Variants in CHSY1 observed in about 807,000 individuals in gnomAD.
CHSY1 encodes the protein chondroitin sulfate synthase 1.
Under a neutral mutation model 59.8 loss-of-function variants are expected in CHSY1, and 13 were observed. The ratio of observed to expected loss-of-function variants is 0.22; its 90% confidence interval spans 0.14 to 0.35. The LOEUF is 0.35. CHSY1 is among the 10% of genes least tolerant of loss of function. The probability of loss-of-function intolerance (pLI) is 1.00; values close to 1 mark genes in which losing one functional copy is unlikely to be tolerated. For synonymous variants in CHSY1, 459 were observed against 401.2 expected, an observed-to-expected ratio of 1.14 and a Z score of -1.72; for missense variants, 947 against 1,030.6, an observed-to-expected ratio of 0.92 and a Z score of 1.11.
intron 2 of CHSY1, chr15:101,188,237 G>GA: frequency 1.0e-6 from 1 of 968,422 alleles, no homozygotes; most frequent in Non-Finnish European, 1.2e-6. Flanking sequence ...GTGGTTCAAA[G>GA]AAAGTAAGCG....
intron 2 of CHSY1, 77 bp from the exon 3 acceptor site, chr15:101,179,057 A>G: frequency 7.1e-7 from 1 of 1,416,024 alleles, no homozygotes; most frequent in Non-Finnish European, 9.9e-7. Flanking sequence ...GAAAATGCAA[A>G]TATTAGAAAT....
Position 101,251,183 on chromosome 15 carries a change from T to A in CHSY1, c.274A>T (p.Met92Leu). The change falls in exon 1 of 3, where the codon ATG (methionine) becomes TTG (leucine). Residue 92 changes from methionine (M) to leucine (L), a missense_variant. By Grantham distance (15) the Met-to-Leu change is conservative. This residue lies in a region of CHSY1 where 232 missense variants were observed against 188.5 expected (regional missense o/e 1.23). Coordinates refer to ENST00000254190, the MANE Select transcript of CHSY1 (RefSeq NM_014918.5). ...RDRNFLFVGV[M>L]TAQKYLQTRA... is the part of the protein sequence containing the mutation. The stretch of plus-strand genomic sequence containing the variant: ...GTCTGCAGGTATTTCTGGGCGGTCA[T>A]GACTCCCACGAAGAGAAAGTTCCTG... 1 of 1,600,782 alleles carries A rather than the reference T, an allele frequency of 6.2e-7. No individual in the cohort carries two copies.
chr15:101,235,318 G>C lies in CHSY1; in HGVS notation c.580C>G (p.Leu194Val). The change falls in exon 2 of 3, where the codon CTC becomes GTC. Residue 194 changes from leucine (L) to valine (V), a missense_variant. By Grantham distance (32) the Leu-to-Val change is conservative. Transcript: ENST00000254190. The part of the protein sequence containing the change: ...FLRSLNSSEP[L>V]FLGQTGLGTT... ...CCCAGGCCTGTCTGCCCAAGAAAGA[G>C]GGGCTCGCTGCTGTTCAAACTCCTC... 1.2e-6 allele frequency: 2 copies of C among 1,614,196 alleles called. No homozygotes were observed. The highest frequency in any genetic ancestry group is 1.1e-5 in the South Asian group (1 of 91,082).
intron 2 of CHSY1, among the ~76,000 whole-genome samples, chr15:101,189,810 C>T (rs190208746): frequency 3.9e-4 from 59 of 152,360 alleles, no homozygotes; most frequent in Admixed American, 1.2e-3. Flanking sequence ...CCCCCACCAC[C>T]GCCTAAAGAC....
chr15:101,251,067 G>C, intron 1 of CHSY1, 70 bp downstream of exon 1: 4 of 1,433,892 alleles, frequency 2.8e-6, no homozygotes, highest in Non-Finnish European at 3.8e-6. Context: ...CGAGAGCCAG[G>C]AGAGCACCCG....
chr15:101,182,224 G>A (rs944765729), intron 2 of CHSY1, among the ~76,000 whole-genome samples: 4 of 152,140 alleles, frequency 2.6e-5, no homozygotes, highest in Non-Finnish European at 5.9e-5. Context: ...TGGGTCCCAC[G>A]GTGTTATTCG....
At chr15:101,239,843 A>G (rs910678168) in intron 1 of CHSY1, among the ~76,000 whole-genome samples, 1 of 149,656 alleles carries the variant, frequency 6.7e-6, no homozygotes, top group Non-Finnish European at 1.5e-5. Context: ...CTTCCCTACT[A>G]GACTGAGGAT....
chr15:101,184,366 T>C (rs550600673), intron 2 of CHSY1, among the ~76,000 whole-genome samples: 3 of 152,022 alleles, frequency 2.0e-5, no homozygotes, highest in Non-Finnish European at 4.4e-5. Context: ...GAAATAAATG[T>C]GTTACATATA....
At chr15:101,194,446 C>T (rs1429809163) in intron 2 of CHSY1, among the ~76,000 whole-genome samples, 1 of 152,350 alleles carries the variant, frequency 6.6e-6, no homozygotes, top group East Asian at 1.9e-4. Context: ...TTCACAATTG[C>T]ATTTTCAATT....
chr15:101,245,450 A>C (rs1478243311), intron 1 of CHSY1, among the ~76,000 whole-genome samples: 1 of 152,158 alleles, frequency 6.6e-6, no homozygotes, highest in East Asian at 1.9e-4. Context: ...GCTCCCCCAC[A>C]GTGATTAGTT....
At chr15:101,220,762 C>T (rs551072628) in intron 2 of CHSY1, among the ~76,000 whole-genome samples, 1 of 152,352 alleles carries the variant, frequency 6.6e-6, no homozygotes, top group African/African-American at 2.4e-5. Flanking sequence ...CACTCACGTG[C>T]TCTAACTCAG....
intron 2 of CHSY1, among the ~76,000 whole-genome samples, chr15:101,227,550 T>C (rs1030935927): frequency 1.1e-4 from 17 of 152,184 alleles, no homozygotes; most frequent in African/African-American, 4.1e-4. Context: ...TATGGGGTTT[T>C]GAAAAAGCTT....
In CHSY1 at chr15:101,251,812, C is replaced by T. The variant is rs1481966584; in HGVS notation, c.-356G>A. On this transcript the variant is annotated 5_prime_UTR_variant, in exon 1 of 3. Coordinates refer to ENST00000254190, the MANE Select transcript of CHSY1 (RefSeq NM_014918.5). ...GACGGCGGCGGCAGACGAGTCCGGG[C>T]TCCCGTCCCGCCCTGCCCGCGTCCT... is the stretch of plus-strand genomic sequence containing the variant. The T allele has an allele frequency of 6.7e-6, 1 of 150,058 alleles. No homozygotes were observed. Among genetic ancestry groups the T allele is most frequent in the Non-Finnish European group, 1.5e-5 (1 of 67,418 alleles). 9.3% of individuals were successfully genotyped at this position (150,058 alleles called of 1,614,324 possible).
At chr15:101,202,412 G>A (rs1395806564) in intron 2 of CHSY1, among the ~76,000 whole-genome samples, 1 of 95,148 alleles carries the variant, frequency 1.1e-5, no homozygotes, top group African/African-American at 5.2e-5. Flanking sequence ...CATTTCTGCA[G>A]GAGGGGCAGT....
rs2038206620 is a variant in CHSY1 at position 101,177,431 on chromosome 15, T to C, written c.2366A>G (p.Tyr789Cys). 1 of 1,613,452 alleles carries C rather than the reference T, an allele frequency of 6.2e-7. No individual in the cohort carries two copies. Among genetic ancestry groups the C allele is most frequent in the Non-Finnish European group, 8.5e-7 (1 of 1,179,828 alleles). The stretch of plus-strand genomic sequence containing the variant: ...GCCATTATTATTGCTGCTTTTACTG[T>C]AACTTGGATCATTTTTTTCCAGCCA... ...EMWLEKNDPSYSKSSNNNGSV... is the reference protein window; with the variant it reads ...EMWLEKNDPSCSKSSNNNGSV... Residue 789 changes from tyrosine (Y) to cysteine (C), a missense_variant, in exon 3 of 3, where the codon TAC becomes TGC. This residue lies in a region of CHSY1 where 602 missense variants were observed against 676.9 expected (regional missense o/e 0.89). Coordinates refer to ENST00000254190, the MANE Select transcript of CHSY1 (RefSeq NM_014918.5).
intron 1 of CHSY1, among the ~76,000 whole-genome samples, chr15:101,236,672 A>T (rs2038946660): frequency 6.6e-6 from 1 of 151,982 alleles, no homozygotes; most frequent in Non-Finnish European, 1.5e-5. Context: ...ATACAAAAAC[A>T]AAATTAGCCG....
chr15:101,215,840 T>C (rs1250378911), intron 2 of CHSY1, among the ~76,000 whole-genome samples: 1 of 152,254 alleles, frequency 6.6e-6, no homozygotes, highest in Non-Finnish European at 1.5e-5. Flanking sequence ...AAACATGGAA[T>C]GTGATAATCT....
At chr15:101,193,593 A>G (rs1374580005) in intron 2 of CHSY1, among the ~76,000 whole-genome samples, 4 of 152,216 alleles carry the variant, frequency 2.6e-5, no homozygotes, top group Non-Finnish European at 5.9e-5. Flanking sequence ...ACATGTGCGT[A>G]TTTTAATGGC....
chr15:101,198,462 G>C (rs2038532927), intron 2 of CHSY1, among the ~76,000 whole-genome samples: 1 of 152,118 alleles, frequency 6.6e-6, no homozygotes, highest in Non-Finnish European at 1.5e-5. Flanking sequence ...ATTAAACACG[G>C]GAACCCATGA....
Sources: allele counts gnomAD v4.1 joint callset (sites outside exome capture counted in the v4.1 genomes callset), GRCh38; gene constraint gnomAD v4.1.1; regional missense constraint gnomAD v4.1.1; transcripts MANE v1.5; gene names NCBI Gene and HGNC (gene_info 2026-07-23, HGNC 2026-07-21).